Variants in PCDH9 observed in about 807,000 individuals in gnomAD.
PCDH9 encodes the protein protocadherin 9, also known as protocadherin-9.
In PCDH9, 24 loss-of-function variants were observed where a neutral mutation model predicts 70.6. That is an observed-to-expected ratio of 0.34 (90% CI 0.25 to 0.48). The LOEUF is 0.48. Ranked by LOEUF, PCDH9 falls within the 20% of genes least tolerant of loss-of-function variation. The pLI, the probability that PCDH9 is intolerant of heterozygous loss-of-function variation, is 0.99. For missense variants in PCDH9, 1,281 were observed against 1,503.6 expected, an observed-to-expected ratio of 0.85 and a Z score of 2.45; for synonymous variants, 562 against 558.5, an observed-to-expected ratio of 1.01 and a Z score of -0.09.
At chr13:66,366,366 C>T (rs1956555354) in intron 4 of PCDH9, among the ~76,000 whole-genome samples, 1 of 151,872 alleles carries the variant, frequency 6.6e-6, no homozygotes, top group South Asian at 2.1e-4. Flanking sequence ...TTTGCATGTT[C>T]CTAAAATTTA....
chr13:66,809,941 T>A (rs2080474506), intron 3 of PCDH9, among the ~76,000 whole-genome samples: 1 of 152,066 alleles, frequency 6.6e-6, no homozygotes, highest in Non-Finnish European at 1.5e-5. Flanking sequence ...TTAAAAATAA[T>A]ACTAACTCCA....
intron 3 of PCDH9, among the ~76,000 whole-genome samples, chr13:66,698,881 C>G (rs1390448772): frequency 6.7e-6 from 1 of 149,590 alleles, no homozygotes; most frequent in African/African-American, 2.5e-5. Context: ...GACACTTCGC[C>G]CGGCTCAATT....
rs532279000 is a variant in PCDH9, at chr13:67,180,547, A to C, written c.3036+44858T>G. Among the ~76,000 whole-genome samples the C allele has an allele frequency of 2.6e-5, 4 of 152,060 alleles. No homozygotes were observed. In the South Asian group the frequency reaches 8.3e-4, roughly 32 times the overall value. ...TTTATATCTTCAAGTTCCCTAATTCACTTTTTGTTATTGATTTTTGGATTT... is the reference window on the plus strand; with the variant it reads ...TTTATATCTTCAAGTTCCCTAATTCCCTTTTTGTTATTGATTTTTGGATTT... On this transcript the variant is annotated intron_variant, in intron 2 of 4. Transcript: ENST00000377865.
intron 3 of PCDH9, among the ~76,000 whole-genome samples, chr13:66,843,710 T>G (rs1186077323): frequency 2.0e-5 from 3 of 152,210 alleles, no homozygotes; most frequent in African/African-American, 7.2e-5. Context: ...TGGAGAAGAC[T>G]GCATGCTGAG....
chr13:66,748,176 A>G (rs2079401909), intron 3 of PCDH9, among the ~76,000 whole-genome samples: 1 of 152,232 alleles, frequency 6.6e-6, no homozygotes, highest in Non-Finnish European at 1.5e-5. Context: ...CTTTGGCAAG[A>G]CTATGGAAGT....
At chr13:66,823,354 T>C (rs1278923923) in intron 3 of PCDH9, among the ~76,000 whole-genome samples, 1 of 151,854 alleles carries the variant, frequency 6.6e-6, no homozygotes, top group East Asian at 1.9e-4. Context: ...ATGCGCAATT[T>C]TTTTAGGAAA....
At chr13:67,137,852 A>C (rs2087272409) in intron 2 of PCDH9, among the ~76,000 whole-genome samples, 1 of 152,154 alleles carries the variant, frequency 6.6e-6, no homozygotes, top group African/African-American at 2.4e-5. Flanking sequence ...TTACCAAAAA[A>C]AGCACATCTC....
intron 4 of PCDH9, among the ~76,000 whole-genome samples, chr13:66,582,330 A>G (rs1230287627): frequency 6.6e-6 from 1 of 152,120 alleles, no homozygotes; most frequent in Admixed American, 6.6e-5. Flanking sequence ...TCAAAAAGCT[A>G]TTCATTTCAC....
intron 3 of PCDH9, among the ~76,000 whole-genome samples, chr13:66,781,440 G>A (rs549388163): frequency 1.3e-5 from 2 of 152,294 alleles, no homozygotes; most frequent in African/African-American, 4.8e-5. Flanking sequence ...GCCTGACAAG[G>A]TGTTAAAACA....
intron 3 of PCDH9, among the ~76,000 whole-genome samples, chr13:66,743,351 G>A (rs1401249276): frequency 8.2e-6 from 1 of 122,144 alleles, no homozygotes; most frequent in African/African-American, 3.1e-5. Flanking sequence ...TGGTGGGGTG[G>A]GGGGAGGGGG....
At chr13:66,780,261 T>C (rs962278566) in intron 3 of PCDH9, among the ~76,000 whole-genome samples, 2 of 152,148 alleles carry the variant, frequency 1.3e-5, no homozygotes, top group Admixed American at 6.5e-5. Flanking sequence ...GGAAAGTTTG[T>C]TGATGGAAGC....
chr13:67,067,618 T>TA (rs1348706171), intron 2 of PCDH9, among the ~76,000 whole-genome samples: 1 of 151,472 alleles, frequency 6.6e-6, no homozygotes, highest in Non-Finnish European at 1.5e-5. Flanking sequence ...TTTTAAAAAG[T>TA]TTTTAAAAAA....
At chr13:67,002,482 A>C (rs2084264165) in intron 2 of PCDH9, among the ~76,000 whole-genome samples, 1 of 150,106 alleles carries the variant, frequency 6.7e-6, no homozygotes, top group African/African-American at 2.4e-5. Flanking sequence ...TCTGTCCTAA[A>C]AGTCACTATT....
At chr13:66,803,956 C>T (rs1464788285) in intron 3 of PCDH9, among the ~76,000 whole-genome samples, 1 of 152,148 alleles carries the variant, frequency 6.6e-6, no homozygotes, top group African/African-American at 2.4e-5. Flanking sequence ...TTGTCTCTGG[C>T]TCACTGGGTG....
chr13:66,578,214 G>A (rs2076841416), intron 4 of PCDH9, among the ~76,000 whole-genome samples: 1 of 152,122 alleles, frequency 6.6e-6, no homozygotes, highest in African/African-American at 2.4e-5. Context: ...CAGTATCAAG[G>A]AAAACGTCAT....
intron 2 of PCDH9, among the ~76,000 whole-genome samples, chr13:66,962,667 G>A (rs1366224200): frequency 6.6e-6 from 1 of 151,964 alleles, no homozygotes; most frequent in Admixed American, 6.6e-5. Flanking sequence ...TTATATTATG[G>A]AACCACCTTT....
chr13:66,942,090 T>C (rs966097817), intron 2 of PCDH9, among the ~76,000 whole-genome samples: 3 of 151,848 alleles, frequency 2.0e-5, no homozygotes, highest in Non-Finnish European at 4.4e-5. Flanking sequence ...ATATACAAAA[T>C]AGATAATTAG....
At chr13:66,784,094 C>A (rs910408056) in intron 3 of PCDH9, among the ~76,000 whole-genome samples, 2 of 152,052 alleles carry the variant, frequency 1.3e-5, no homozygotes, top group African/African-American at 4.8e-5. Context: ...AAATTTATCA[C>A]AAATATGTTG....
At chr13:66,891,044 T>C (rs1398418482) in intron 3 of PCDH9, among the ~76,000 whole-genome samples, 2 of 152,124 alleles carry the variant, frequency 1.3e-5, no homozygotes, top group African/African-American at 4.8e-5. Flanking sequence ...AGAAATAAAA[T>C]CATGCAGCAT....
Sources: gnomAD v4.1 joint callset for allele counts (sites outside exome capture counted in the v4.1 genomes callset) on GRCh38, gnomAD v4.1.1 for gene constraint, MANE v1.5 for transcripts, NCBI Gene and HGNC (gene_info 2026-07-23, HGNC 2026-07-21) for gene names.